Variants in ITGB1BP1 observed in about 807,000 individuals in gnomAD.
ITGB1BP1 encodes integrin beta-1-binding protein 1.
Under a neutral mutation model 28.0 loss-of-function variants are expected in ITGB1BP1, and 20 were observed. The observed-to-expected ratio is 0.71, with a 90% CI of 0.50 to 1.04. The LOEUF (loss-of-function observed/expected upper bound fraction) is 1.04, where lower values mean the gene tolerates loss of function less well. ITGB1BP1 is among the 50% of genes least tolerant of loss of function. ITGB1BP1 has a pLI of 0.00. For missense variants in ITGB1BP1, 228 were observed against 242.5 expected, an observed-to-expected ratio of 0.94 and a Z score of 0.40; for synonymous variants, 103 against 89.5, an observed-to-expected ratio of 1.15 and a Z score of -0.85.
Position 9,415,873 on chromosome 2 carries a change from T to C in ITGB1BP1, c.73-1617A>G, listed in dbSNP as rs536546241. On this transcript the variant is annotated intron_variant, in intron 2 of 6. Transcript: ENST00000355346. The surrounding 1 kb of genome is among the most constrained non-coding windows in gnomAD (Gnocchi z 4.1). The stretch of plus-strand genomic sequence containing the variant: ...GTCGTGTGTCTTTGTCTCATTCACA[T>C]GTGGCTGTTATTTAACAGCGTGGCA... Among the ~76,000 whole-genome samples the C allele has an allele frequency of 8.5e-5, 13 of 152,318 alleles. No individual in the cohort carries two copies. In the South Asian group the frequency reaches 1.2e-3, roughly 15 times the overall value.
rs988704808 is a variant in ITGB1BP1, at chr2:9,415,682, T to C, written c.73-1426A>G. On this transcript the variant is annotated intron_variant, in intron 2 of 6. Transcript: ENST00000355346. This position sits in a 1 kb window ranked among gnomAD's most constrained non-coding sequence, Gnocchi z 4.1. ...AAGTGGCAGTAGGGAGGTTCTGTGT[T>C]GAGCAGCTCCAGGAGTTCAAAAACT... Among the ~76,000 whole-genome samples, 8 of 152,230 alleles carry C rather than the reference T, an allele frequency of 5.3e-5. No homozygotes were observed. Among genetic ancestry groups the C allele is most frequent in the African/African-American group, 1.9e-4 (8 of 41,458 alleles).
At chr2:9,414,283 A>T (rs761888097) in intron 2 of ITGB1BP1, 27 bp from the exon 3 acceptor site, 1 of 1,572,104 alleles carries the variant, frequency 6.4e-7, no homozygotes, top group Non-Finnish European at 8.8e-7. Flanking sequence ...CAAGTAAAAA[A>T]CCTCCACTGA....
At position 9,408,104 on chromosome 2, in the gene ITGB1BP1, ATTAC is replaced by A. The variant is rs1296988612; in HGVS notation, c.381+5_381+8del. ...AAACATAGTTTTCTTAATAAATTATATTACTTACATATTGATCTGATGTTGATAC... is the reference window on the plus strand; with the variant it reads ...AAACATAGTTTTCTTAATAAATTATATTACATATTGATCTGATGTTGATAC... On this transcript the variant is annotated splice_donor_5th_base_variant and intron_variant, in intron 5 of 6. Coordinates refer to ENST00000355346, the MANE Select transcript of ITGB1BP1 (RefSeq NM_004763.5). The A allele has an allele frequency of 1.5e-5, 20 of 1,352,376 alleles. No homozygotes were observed. Among genetic ancestry groups the A allele is most frequent in the Non-Finnish European group, 2.1e-5 (20 of 952,650 alleles). The allele number at this position is 1,352,376 out of a possible 1,614,324, so 83.8% of individuals were successfully genotyped here. A position where few individuals can be genotyped will look rare whatever the true frequency, so the allele number is the denominator to read the frequency against.
chr2:9,418,560 A>G (rs1291517205), intron 2 of ITGB1BP1, 66 bp downstream of exon 2: 1 of 1,069,438 alleles, frequency 9.4e-7, no homozygotes, highest in Non-Finnish European at 1.5e-6. Flanking sequence ...TCCTCCATAC[A>G]ATATCAGCTA....
chr2:9,407,904 G>GA, intron 5 of ITGB1BP1: 1 of 567,108 alleles, frequency 1.8e-6, no homozygotes, highest in Middle Eastern at 4.7e-4. Context: ...GGGTGGGGGG[G>GA]GCAGGTTGCA....
At position 9,414,168 on chromosome 2, in the gene ITGB1BP1, T is replaced by C; in HGVS notation, c.151+10A>G. ...GCGCAGACAATCAATGATCCAACCC[T>C]TTTATGTACCTGAGCTTTTGGTGGA... On this transcript the variant is annotated intron_variant, in intron 3 of 6. Coordinates refer to ENST00000355346, the MANE Select transcript of ITGB1BP1 (RefSeq NM_004763.5). 1 of 1,610,908 alleles carries C rather than the reference T, an allele frequency of 6.2e-7. No individual in the cohort carries two copies. Among genetic ancestry groups the C allele is most frequent in the Non-Finnish European group, 8.5e-7 (1 of 1,177,174 alleles).
intron 1 of ITGB1BP1, chr2:9,423,040 C>T: frequency 7.0e-6 from 7 of 998,388 alleles, no homozygotes; most frequent in Non-Finnish European, 8.4e-6. Flanking sequence ...ACAGACAACC[C>T]CGACCCTGAG....
chr2:9,406,061 G>A lies in ITGB1BP1; in HGVS notation c.*773C>T, dbSNP rs1009851440. ...ACTGAGTGGACCTCTGTGACATCTC[G>A]TCTTCCTCAGGCCTTCAGTGTGTGT... On this transcript the variant is annotated 3_prime_UTR_variant, in exon 7 of 7. Coordinates refer to ENST00000355346, the MANE Select transcript of ITGB1BP1 (RefSeq NM_004763.5). 2 of 124,718 alleles carry A rather than the reference G, an allele frequency of 1.6e-5. No homozygotes were observed. Among genetic ancestry groups the A allele is most frequent in the Non-Finnish European group, 3.5e-5 (2 of 56,460 alleles). 7.7% of individuals were successfully genotyped at this position (124,718 alleles called of 1,614,324 possible).
chr2:9,407,021 C>A, intron 6 of ITGB1BP1, 116 bp from the exon 7 acceptor site: 2 of 763,802 alleles, frequency 2.6e-6, no homozygotes, highest in South Asian at 1.5e-5. Context: ...GCAAGCCGAC[C>A]ACACATGCCT....
intron 4 of ITGB1BP1, 113 bp downstream of exon 4, chr2:9,412,156 G>C (rs1402397297): frequency 2.3e-6 from 2 of 856,834 alleles, no homozygotes; most frequent in Non-Finnish European, 3.7e-6. Flanking sequence ...CTTCAGTCGA[G>C]AGCAAGCGGA....
intron 2 of ITGB1BP1, 27 bp downstream of exon 2, chr2:9,418,599 A>T: frequency 6.9e-7 from 1 of 1,457,432 alleles, no homozygotes; most frequent in Non-Finnish European, 9.6e-7. Context: ...CTGCTTTATG[A>T]TTCTGTTCCA....
intron 4 of ITGB1BP1, 85 bp downstream of exon 4, chr2:9,412,184 C>G (rs1272541461): frequency 1.6e-6 from 2 of 1,223,142 alleles, no homozygotes; most frequent in Non-Finnish European, 2.4e-6. Flanking sequence ...CCAGTGGACC[C>G]GAGGAGTGAG....
chr2:9,415,687 A>T lies in ITGB1BP1; in HGVS notation c.73-1431T>A, dbSNP rs1004577069. ...GCAGTAGGGAGGTTCTGTGTTGAGC[A>T]GCTCCAGGAGTTCAAAAACTTCCAA... is the stretch of plus-strand genomic sequence containing the variant. On this transcript the variant is annotated intron_variant, in intron 2 of 6. Transcript: ENST00000355346. This position sits in a 1 kb window ranked among gnomAD's most constrained non-coding sequence, Gnocchi z 4.1. Among the ~76,000 whole-genome samples, 1 of 152,188 alleles carries T rather than the reference A, an allele frequency of 6.6e-6. No homozygotes were observed. Among genetic ancestry groups the T allele is most frequent in the African/African-American group, 2.4e-5 (1 of 41,440 alleles).
intron 4 of ITGB1BP1, among the ~76,000 whole-genome samples, chr2:9,410,731 T>C (rs1285091598): frequency 6.6e-6 from 1 of 152,122 alleles, no homozygotes; most frequent in Admixed American, 6.6e-5. Flanking sequence ...TGAGCCACTG[T>C]ACTCAGCAAT....
rs1677269358 is a variant in ITGB1BP1 at position 9,406,052 on chromosome 2, T to G, written c.*782A>C. The G allele has an allele frequency of 8.0e-6, 1 of 125,170 alleles. No homozygotes were observed. 7.8% of individuals were successfully genotyped at this position (125,170 alleles called of 1,614,324 possible). A position where few individuals can be genotyped will look rare whatever the true frequency, so the allele number is the denominator to read the frequency against. On this transcript the variant is annotated 3_prime_UTR_variant, in exon 7 of 7. Transcript: ENST00000355346. ...GTGTGTGTCACTGAGTGGACCTCTGTGACATCTCGTCTTCCTCAGGCCTTC... is the reference window on the plus strand; with the variant it reads ...GTGTGTGTCACTGAGTGGACCTCTGGGACATCTCGTCTTCCTCAGGCCTTC...
At chr2:9,417,048 C>T (rs1679227362) in intron 2 of ITGB1BP1, among the ~76,000 whole-genome samples, 1 of 152,110 alleles carries the variant, frequency 6.6e-6, no homozygotes, top group Non-Finnish European at 1.5e-5. Context: ...CAGGTTCTTA[C>T]CACATCCTCC....
Position 9,418,752 on chromosome 2 carries a change from T to G in ITGB1BP1, c.-35-20A>C. 6.6e-7 allele frequency: 1 copy of G among 1,506,910 alleles called. No individual in the cohort carries two copies. The highest frequency in any genetic ancestry group is 9.2e-7 in the Non-Finnish European group (1 of 1,087,802). The allele number at this position is 1,506,910 out of a possible 1,614,324, so 93.3% of individuals were successfully genotyped here. A position where few individuals can be genotyped will look rare whatever the true frequency, so the allele number is the denominator to read the frequency against. On this transcript the variant is annotated intron_variant, in intron 1 of 6. Coordinates refer to ENST00000355346, the MANE Select transcript of ITGB1BP1 (RefSeq NM_004763.5). ...GATCCCCTGAAAAAACAAATATTGG[T>G]AACAGTTACATCGGGAAAAGCAACT...
intron 2 of ITGB1BP1, 93 bp from the exon 3 acceptor site, chr2:9,414,349 G>T: frequency 1.2e-6 from 1 of 847,786 alleles, no homozygotes; most frequent in East Asian, 2.5e-5. Context: ...TATTAGAGTT[G>T]AGCTGACACA....
At chr2:9,419,937 C>T in intron 1 of ITGB1BP1, 1 of 441,438 alleles carries the variant, frequency 2.3e-6, no homozygotes, top group Non-Finnish European at 3.0e-6. Context: ...ATAACCTGAT[C>T]AATTTTTTAC....
Sources: allele counts gnomAD v4.1 joint callset (sites outside exome capture counted in the v4.1 genomes callset), GRCh38; gene constraint gnomAD v4.1.1; non-coding constraint Gnocchi (gnomAD v3.1); transcripts MANE v1.5; gene names NCBI Gene and HGNC (gene_info 2026-07-23, HGNC 2026-07-21).